The following FBXL17 variants were observed in gnomAD, a reference collection of about 807,000 sequenced individuals.
The protein encoded by FBXL17 is F-box and leucine rich repeat protein 17.
In FBXL17, 22 loss-of-function variants were observed where a neutral mutation model predicts 66.2. That is an observed-to-expected ratio of 0.33 (90% confidence interval 0.24 to 0.47). The LOEUF (loss-of-function observed/expected upper bound fraction) is 0.47, where lower values mean the gene tolerates loss of function less well. Among genes scored for constraint, FBXL17 ranks in the 20% least tolerant of loss-of-function variants. FBXL17 has a pLI of 1.00. For missense variants in FBXL17, 878 were observed against 948.2 expected (o/e 0.93, Z 0.97); for synonymous variants, 474 against 400.5 (o/e 1.18, Z -2.19).
intron 1 of FBXL17, among the ~76,000 whole-genome samples, chr5:108,376,706 C>A (rs1292946424): frequency 1.3e-5 from 2 of 151,924 alleles, no homozygotes; most frequent in East Asian, 3.9e-4. Context: ...CAGCATGGGT[C>A]ACATTTTTCT....
At chr5:108,204,214 T>C (rs867309157) in intron 5 of FBXL17, among the ~76,000 whole-genome samples, 5 of 152,104 alleles carry the variant, frequency 3.3e-5, no homozygotes, top group Non-Finnish European at 4.4e-5. Context: ...TTTTTCTTTT[T>C]TCCTTTCAGA....
At chr5:107,957,245 G>C (rs989152434) in intron 7 of FBXL17, among the ~76,000 whole-genome samples, 1 of 152,228 alleles carries the variant, frequency 6.6e-6, no homozygotes, top group Non-Finnish European at 1.5e-5. Flanking sequence ...TAGGGACAGA[G>C]ACCCAGGAAG....
At chr5:108,135,630 G>A (rs1751103232) in intron 6 of FBXL17, among the ~76,000 whole-genome samples, 1 of 152,004 alleles carries the variant, frequency 6.6e-6, no homozygotes, top group Non-Finnish European at 1.5e-5. Context: ...GGCTACACAT[G>A]GAATTTTGGA....
chr5:108,245,060 A>C (rs1255139326), intron 4 of FBXL17, among the ~76,000 whole-genome samples: 2 of 152,160 alleles, frequency 1.3e-5, no homozygotes, highest in East Asian at 3.8e-4. Context: ...CTTATTTGTA[A>C]AGGAAATATA....
chr5:107,906,832 G>C (rs946994724), intron 7 of FBXL17, among the ~76,000 whole-genome samples: 3 of 152,240 alleles, frequency 2.0e-5, no homozygotes, highest in South Asian at 2.1e-4. Flanking sequence ...ACAAAACAAA[G>C]AAACTACACA....
intron 4 of FBXL17, chr5:108,298,975 T>C (rs989949443): frequency 2.1e-5 from 20 of 969,756 alleles, no homozygotes; most frequent in South Asian, 4.8e-5. Flanking sequence ...CAGCATTTAA[T>C]GTATTAGGAG....
chr5:108,096,381 A>T (rs1421877305), intron 6 of FBXL17, among the ~76,000 whole-genome samples: 1 of 152,202 alleles, frequency 6.6e-6, no homozygotes, highest in Non-Finnish European at 1.5e-5. Context: ...TCTTAGTGTT[A>T]CAAGGCCCAT....
intron 4 of FBXL17, among the ~76,000 whole-genome samples, chr5:108,236,923 A>G (rs763487723): frequency 1.1e-4 from 17 of 152,300 alleles, no homozygotes; most frequent in African/African-American, 3.9e-4. Flanking sequence ...ATCTGTTCCA[A>G]TGAGATTTAC....
At chr5:107,871,778 C>A (rs1470071199) in intron 8 of FBXL17, among the ~76,000 whole-genome samples, 1 of 151,076 alleles carries the variant, frequency 6.6e-6, no homozygotes, top group Non-Finnish European at 1.5e-5. Flanking sequence ...AACAACTAGG[C>A]CCTAATAAGA....
At chr5:108,302,167 G>A (rs1758619994) in intron 4 of FBXL17, 2 of 222,438 alleles carry the variant, frequency 9.0e-6, no homozygotes, top group African/African-American at 4.7e-5. Flanking sequence ...ATATATCCAA[G>A]GATAAACAAA....
At chr5:108,211,312 T>G (rs1252925316) in intron 5 of FBXL17, among the ~76,000 whole-genome samples, 1 of 152,200 alleles carries the variant, frequency 6.6e-6, no homozygotes, top group Non-Finnish European at 1.5e-5. Flanking sequence ...ATTGGGGCAT[T>G]TAGCCAGTTT....
rs539376628 is a variant in FBXL17, at chr5:108,273,334, TATAATAATAATAAAA to T, written c.1507-49121_1507-49107del. ...TGCACATGTACCCTAAAACTTAAAG[TATAATAATAATAAAA>T]ATAATAATAATAATAAAAGGAAAAT... is the stretch of plus-strand genomic sequence containing the variant. On this transcript the variant is annotated intron_variant, in intron 4 of 8. Transcript: ENST00000542267. Among the ~76,000 whole-genome samples, 491 of 149,600 alleles carry T rather than the reference TATAATAATAATAAAA, an allele frequency of 3.3e-3. 2 individuals are homozygous for T. Among genetic ancestry groups the T allele is most frequent in the Non-Finnish European group, 5.6e-3 (380 of 67,836 alleles).
intron 5 of FBXL17, among the ~76,000 whole-genome samples, chr5:108,211,920 GT>G (rs985907817): frequency 6.6e-6 from 1 of 152,070 alleles, no homozygotes; most frequent in Non-Finnish European, 1.5e-5. Flanking sequence ...CCTGAAGAGT[GT>G]TTTCCAACTT....
rs1318280126 is a variant in FBXL17 at position 108,156,109 on chromosome 5, C to T, written c.1745+30008G>A. 3.9e-5 allele frequency among the ~76,000 whole-genome samples: 6 copies of T among 152,086 alleles called. No individual in the cohort carries two copies. The South Asian group carries it at 6.2e-4, about 16-fold the overall frequency. ...TATTAAAACTTGGGAAGAATATTTG[C>T]TATAACCCTAATAGGGAATTATTCT... On this transcript the variant is annotated intron_variant, in intron 6 of 8. Transcript: ENST00000542267.
intron 1 of FBXL17, among the ~76,000 whole-genome samples, chr5:108,372,054 T>C (rs1337111565): frequency 6.6e-6 from 1 of 152,202 alleles, no homozygotes; most frequent in African/African-American, 2.4e-5. Context: ...GCAGTCTACC[T>C]CGCTGTAAGC....
chr5:107,868,154 AT>A (rs548420490), intron 8 of FBXL17, among the ~76,000 whole-genome samples: 5 of 151,964 alleles, frequency 3.3e-5, no homozygotes, highest in Non-Finnish European at 7.4e-5. Flanking sequence ...GGTAGCTAGA[AT>A]TTGAATTCAG....
chr5:107,887,157 A>C (rs532559587), intron 7 of FBXL17, among the ~76,000 whole-genome samples: 2 of 152,364 alleles, frequency 1.3e-5, no homozygotes, highest in South Asian at 2.1e-4. Flanking sequence ...GGTGAAGAGC[A>C]TACGTGAACT....
chr5:108,037,994 C>T (rs1373277543), intron 6 of FBXL17, among the ~76,000 whole-genome samples: 1 of 152,068 alleles, frequency 6.6e-6, no homozygotes, highest in African/African-American at 2.4e-5. Context: ...AGCAGCAAAA[C>T]ATATGGAATG....
At chr5:107,962,409 A>G (rs1323814892) in intron 7 of FBXL17, among the ~76,000 whole-genome samples, 3 of 152,178 alleles carry the variant, frequency 2.0e-5, no homozygotes, top group Non-Finnish European at 2.9e-5. Context: ...TGACCCATCC[A>G]TTCTGTGTCA....
Sources: gnomAD v4.1 joint callset for allele counts (sites outside exome capture counted in the v4.1 genomes callset) on GRCh38, gnomAD v4.1.1 for gene constraint, MANE v1.5 for transcripts, NCBI Gene and HGNC (gene_info 2026-07-23, HGNC 2026-07-21) for gene names.